PPP3CA: variants seen among roughly 807,000 people sequenced by gnomAD.
The protein encoded by PPP3CA is CAM-PRP catalytic subunit.
A neutral mutation model predicts 66.5 loss-of-function variants in PPP3CA; 14 were observed. That is an observed-to-expected ratio of 0.21 (90% CI 0.14 to 0.33). PPP3CA has a LOEUF of 0.33. Among genes scored for constraint, PPP3CA ranks in the 10% least tolerant of loss-of-function variants. PPP3CA has a pLI of 1.00. For synonymous variants in PPP3CA, 232 were observed against 226.2 expected, an observed-to-expected ratio of 1.03 and a Z score of -0.23; for missense variants, 317 against 639.5, an observed-to-expected ratio of 0.50 and a Z score of 5.44.
Position 101,346,853 on chromosome 4 carries a change from C to T in PPP3CA, c.-57G>A. On this transcript the variant is annotated 5_prime_UTR_variant, in exon 1 of 14. Coordinates refer to ENST00000394854, the MANE Select transcript of PPP3CA (RefSeq NM_000944.5). ...TCGTCCGTCCGACTGCACACCCCGA[C>T]CGGACCGGCGGGCCAGACACTCAAC... is the stretch of plus-strand genomic sequence containing the variant. The T allele has an allele frequency of 6.3e-7, 1 of 1,578,768 alleles. No individual in the cohort carries two copies. Among genetic ancestry groups the T allele is most frequent in the Non-Finnish European group, 8.6e-7 (1 of 1,163,398 alleles).
At chr4:101,182,344 T>C (rs1187736469) in intron 2 of PPP3CA, among the ~76,000 whole-genome samples, 1 of 152,100 alleles carries the variant, frequency 6.6e-6, no homozygotes, top group Non-Finnish European at 1.5e-5. Context: ...GCTTAAGTAT[T>C]AAAATGCACT....
intron 2 of PPP3CA, among the ~76,000 whole-genome samples, chr4:101,134,390 G>GA (rs910349584): frequency 6.6e-6 from 1 of 151,948 alleles, no homozygotes; most frequent in Non-Finnish European, 1.5e-5. Context: ...AAATTTACAA[G>GA]AAAAAAACAA....
intron 1 of PPP3CA, chr4:101,330,366 ATCT>A (rs762622379): frequency 3.1e-5 from 16 of 516,432 alleles, no homozygotes; most frequent in South Asian, 8.9e-5. Flanking sequence ...AATCTAAAAA[ATCT>A]ACTTTCTTTG....
At chr4:101,272,402 CAG>C (rs1727363849) in intron 1 of PPP3CA, among the ~76,000 whole-genome samples, 1 of 152,062 alleles carries the variant, frequency 6.6e-6, no homozygotes, top group African/African-American at 2.4e-5. Flanking sequence ...GGATAAATTC[CAG>C]AGACATAATG....
At chr4:101,238,999 A>C (rs1449401965) in intron 1 of PPP3CA, among the ~76,000 whole-genome samples, 3 of 152,070 alleles carry the variant, frequency 2.0e-5, no homozygotes, top group Non-Finnish European at 4.4e-5. Flanking sequence ...CTGACAATTA[A>C]ATTAATTTCC....
chr4:101,047,041 C>T (rs1727795766), intron 10 of PPP3CA, among the ~76,000 whole-genome samples: 1 of 152,054 alleles, frequency 6.6e-6, no homozygotes, highest in Non-Finnish European at 1.5e-5. Flanking sequence ...AATACATGTC[C>T]AACAGTTGAA....
intron 1 of PPP3CA, among the ~76,000 whole-genome samples, chr4:101,218,460 C>T (rs906045663): frequency 2.2e-4 from 34 of 151,338 alleles, no homozygotes; most frequent in Non-Finnish European, 1.6e-4. Flanking sequence ...TACTCTCCTG[C>T]CCTTACTGTG....
chr4:101,153,468 A>G lies in PPP3CA; in HGVS notation c.259+42448T>C, dbSNP rs139841020. ...TCTGAAGATACTATATACTACTGGC[A>G]AAGTAGAATTGTATAAACACTTGGT... On this transcript the variant is annotated intron_variant, in intron 2 of 13. Coordinates refer to ENST00000394854, the MANE Select transcript of PPP3CA (RefSeq NM_000944.5). Among the ~76,000 whole-genome samples the G allele has an allele frequency of 2.5e-3, 383 of 152,356 alleles. 1 individual carries two copies. The highest frequency in any genetic ancestry group is 9.0e-3 in the African/African-American group (376 of 41,578).
chr4:101,260,396 T>G (rs923472756), intron 1 of PPP3CA, among the ~76,000 whole-genome samples: 11 of 152,142 alleles, frequency 7.2e-5, no homozygotes, highest in African/African-American at 2.7e-4. Flanking sequence ...ATATTGGAAG[T>G]CTAGCACAAA....
chr4:101,269,573 TG>T, intron 1 of PPP3CA, among the ~76,000 whole-genome samples: 1 of 101,496 alleles, frequency 9.9e-6, no homozygotes, highest in African/African-American at 3.5e-5. Context: ...TGTGTGTGTG[TG>T]TGTGTGTGTG....
chr4:101,254,072 T>C (rs1462857710), intron 1 of PPP3CA, among the ~76,000 whole-genome samples: 1 of 152,064 alleles, frequency 6.6e-6, no homozygotes, highest in Non-Finnish European at 1.5e-5. Flanking sequence ...AAAATCATCC[T>C]ATCCTTCAAG....
intron 1 of PPP3CA, among the ~76,000 whole-genome samples, chr4:101,328,983 A>G (rs1729289251): frequency 6.6e-6 from 1 of 151,898 alleles, no homozygotes; most frequent in Non-Finnish European, 1.5e-5. Flanking sequence ...GAGGCTTATT[A>G]ATAACCCTAA....
chr4:101,033,450 A>T (rs1385932391), intron 11 of PPP3CA, among the ~76,000 whole-genome samples: 4 of 152,140 alleles, frequency 2.6e-5, no homozygotes, highest in Admixed American at 6.6e-5. Flanking sequence ...TCTGTCTTCA[A>T]CTCAGAAATT....
At chr4:101,248,747 T>C (rs1726572068) in intron 1 of PPP3CA, among the ~76,000 whole-genome samples, 1 of 152,238 alleles carries the variant, frequency 6.6e-6, no homozygotes, top group African/African-American at 2.4e-5. Context: ...ATCAGACTTG[T>C]AATTAATGAA....
rs1722064081 is a variant in PPP3CA at position 101,122,551 on chromosome 4, C to A, written c.260-13473G>T. Among the ~76,000 whole-genome samples the A allele has an allele frequency of 2.0e-5, 3 of 152,110 alleles. No homozygotes were observed. In the South Asian group the frequency reaches 6.2e-4, roughly 32 times the overall value. ...CAGAAATTAAGGAAAAGAAGGTTGG[C>A]TGACATTATCAAAGAAGACTTAACC... On this transcript the variant is annotated intron_variant, in intron 2 of 13. Coordinates refer to ENST00000394854, the MANE Select transcript of PPP3CA (RefSeq NM_000944.5).
At chr4:101,269,011 T>G (rs1214013722) in intron 1 of PPP3CA, among the ~76,000 whole-genome samples, 1 of 152,144 alleles carries the variant, frequency 6.6e-6, no homozygotes, top group Non-Finnish European at 1.5e-5. Flanking sequence ...TAAAATTCAT[T>G]TATCATGTCT....
At chr4:101,208,001 C>G (rs1725187098) in intron 1 of PPP3CA, among the ~76,000 whole-genome samples, 1 of 152,144 alleles carries the variant, frequency 6.6e-6, no homozygotes, top group African/African-American at 2.4e-5. Context: ...TAAACACACT[C>G]ATTTAGGCAT....
intron 8 of PPP3CA, among the ~76,000 whole-genome samples, chr4:101,064,221 C>T (rs922864363): frequency 2.0e-5 from 3 of 151,856 alleles, no homozygotes; most frequent in African/African-American, 7.2e-5. Context: ...GGAAAAGTCA[C>T]CTGTTTTAAT....
intron 7 of PPP3CA, among the ~76,000 whole-genome samples, 188 bp downstream of exon 7, chr4:101,082,998 G>T (rs998820451): frequency 1.3e-5 from 2 of 152,136 alleles, no homozygotes; most frequent in African/African-American, 4.8e-5. Context: ...GAGACTGTAC[G>T]ATACATCTGC....
Sources: allele counts gnomAD v4.1 joint callset (sites outside exome capture counted in the v4.1 genomes callset), GRCh38; gene constraint gnomAD v4.1.1; transcripts MANE v1.5; gene names NCBI Gene and HGNC (gene_info 2026-07-23, HGNC 2026-07-21).